CCNT1: variants seen among roughly 807,000 people sequenced by gnomAD.
The protein encoded by CCNT1 is cyclin T1, also known as cyclin-T1.
CCNT1 carries 18 observed loss-of-function variants against 67.3 expected under a neutral mutation model. That is an observed-to-expected ratio of 0.27 (90% CI 0.18 to 0.40). CCNT1 has a LOEUF of 0.40. CCNT1 is among the 10% of genes least tolerant of loss of function. The probability of loss-of-function intolerance (pLI) is 1.00; values close to 1 mark genes in which losing one functional copy is unlikely to be tolerated. For synonymous variants in CCNT1, 333 were observed against 310.3 expected (o/e 1.07, Z -0.77); for missense variants, 744 against 884.9 (o/e 0.84, Z 2.02).
intron 8 of CCNT1, 82 bp from the exon 9 acceptor site, chr12:48,694,518 G>GC (rs2137223669): frequency 1.5e-6 from 2 of 1,290,512 alleles, no homozygotes; most frequent in Admixed American, 4.1e-5. Context: ...TGTACTTGCA[G>GC]CAACACTGGA....
rs571449247 is a variant in CCNT1, at chr12:48,693,383, C to A, written c.1831G>T (p.Gly611Cys). 1 of 1,614,090 alleles carries A rather than the reference C, an allele frequency of 6.2e-7. No individual in the cohort carries two copies. The highest frequency in any genetic ancestry group is 1.3e-5 in the African/African-American group (1 of 75,000). ...NFSFPSLPTMGQMPGHSSDTS... is the reference protein window; with the variant it reads ...NFSFPSLPTMCQMPGHSSDTS... ...TCTGAGCTATGCCCAGGCATCTGAC[C>A]CATTGTAGGAAGTGAAGGGAAGGAG... The change falls in exon 9 of 9, where the codon GGT becomes TGT. Residue 611 changes from glycine to cysteine, a missense_variant. Gly to Cys is a radical substitution (Grantham distance 159). Around this residue, in one of 3 missense-constraint regions of CCNT1, gnomAD observed 564 missense variants for 574.2 expected, o/e 0.98. Transcript: ENST00000261900.
At chr12:48,702,589 C>A (rs1167914590) in intron 3 of CCNT1, among the ~76,000 whole-genome samples, 3 of 152,120 alleles carry the variant, frequency 2.0e-5, no homozygotes, top group Admixed American at 2.0e-4. Context: ...TCAAGATCAG[C>A]CTGGCCAATA....
Position 48,699,827 on chromosome 12 carries a change from T to G in CCNT1, c.447A>C (p.Thr149=), listed in dbSNP as rs145428497. ...CTACATGAGTATGTGGGTGATCAAT[T>G]GTTAGTTCAAAGCCTTAAAAGAAAA... The part of the protein sequence containing the change: ...IILQTLGFEL[T]IDHPHTHVVK... The change falls in exon 5 of 9, where the codon ACA becomes ACC. Residue 149 remains threonine, a synonymous_variant. Coordinates refer to ENST00000261900, the MANE Select transcript of CCNT1 (RefSeq NM_001240.4). 4 of 1,605,240 alleles carry G rather than the reference T, an allele frequency of 2.5e-6. No individual in the cohort carries two copies. The African/African-American group carries it at 4.0e-5, about 16-fold the overall frequency.
chr12:48,704,158 T>G (rs1940317448), intron 3 of CCNT1, among the ~76,000 whole-genome samples: 1 of 152,158 alleles, frequency 6.6e-6, no homozygotes, highest in East Asian at 1.9e-4. Context: ...CATAGCTATC[T>G]ATAGAAAAGA....
chr12:48,700,846 A>G (rs149496948), intron 4 of CCNT1, among the ~76,000 whole-genome samples, 167 bp downstream of exon 4: 168 of 152,338 alleles, frequency 1.1e-3, no homozygotes, highest in African/African-American at 3.7e-3. Flanking sequence ...CATTCACTCT[A>G]TGGAACAGGT....
intron 3 of CCNT1, among the ~76,000 whole-genome samples, chr12:48,704,325 T>C (rs2162317): frequency 0.29 from 44,605 of 152,130 alleles, 7,579 homozygotes; most frequent in East Asian, 0.76. Context: ...CTCCCCACCA[T>C]ACATATTGCC....
At position 48,694,008 on chromosome 12, in the gene CCNT1, G is replaced by A. The variant is rs137988772; in HGVS notation, c.1206C>T (p.Ala402=). 4.0e-5 allele frequency: 65 copies of A among 1,614,088 alleles called. No homozygotes were observed. In the African/African-American group the frequency reaches 6.9e-4, roughly 17 times the overall value. ...CCATGTTCTCCAGTTGCCTCTTCTG[G>A]GCAGCCAATTCTTCTGCATGCTTCG... ...YRAKHAEELA[A]QKRQLENMEA... The change falls in exon 9 of 9, where the codon GCC becomes GCT. Residue 402 remains alanine, a synonymous_variant. Transcript: ENST00000261900.
At chr12:48,706,472 A>G (rs917911837) in intron 2 of CCNT1, among the ~76,000 whole-genome samples, 1 of 152,236 alleles carries the variant, frequency 6.6e-6, no homozygotes, top group Non-Finnish European at 1.5e-5. Context: ...ACTTATACAT[A>G]TCGAACCTTT....
chr12:48,695,294 T>G (rs143958342), intron 8 of CCNT1, among the ~76,000 whole-genome samples: 1 of 152,370 alleles, frequency 6.6e-6, no homozygotes, highest in East Asian at 1.9e-4. Flanking sequence ...GATTCCATTA[T>G]TCCTGAATAA....
At chr12:48,695,865 A>G in intron 7 of CCNT1, 36 bp from the exon 8 acceptor site, 1 of 1,542,460 alleles carries the variant, frequency 6.5e-7, no homozygotes, top group Non-Finnish European at 9.0e-7. Context: ...AAAGACTGAG[A>G]GAAACAGAAG....
chr12:48,696,238 TTA>T (rs1491266642), intron 6 of CCNT1, 76 bp from the exon 7 acceptor site: 6 of 307,194 alleles, frequency 2.0e-5, no homozygotes, highest in East Asian at 7.6e-5. Context: ...TCTCCATTAT[TTA>T]AAAAAAAAAA....
Position 48,692,929 on chromosome 12 carries a change from C to T in CCNT1, c.*104G>A, listed in dbSNP as rs1445889993. The T allele has an allele frequency of 9.2e-6, 7 of 761,020 alleles. No individual in the cohort carries two copies. Among genetic ancestry groups the T allele is most frequent in the Non-Finnish European group, 1.5e-5 (7 of 480,832 alleles). 47.1% of individuals were successfully genotyped at this position (761,020 alleles called of 1,614,324 possible). A position where few individuals can be genotyped will look rare whatever the true frequency, so the allele number is the denominator to read the frequency against. The stretch of plus-strand genomic sequence containing the variant: ...TCTCAATATCAATTTATTCCCTAGT[C>T]CAAGGATGACATATTTCATAAGTAA... On this transcript the variant is annotated 3_prime_UTR_variant, in exon 9 of 9. Transcript: ENST00000261900.
At position 48,692,532 on chromosome 12, in the gene CCNT1, A is replaced by G. The variant is rs1185195093; in HGVS notation, c.*501T>C. 1 of 154,136 alleles carries G rather than the reference A, an allele frequency of 6.5e-6. No individual in the cohort carries two copies. The highest frequency in any genetic ancestry group is 1.4e-5 in the Non-Finnish European group (1 of 69,644). The allele number at this position is 154,136 out of a possible 1,614,324, so 9.5% of individuals were successfully genotyped here. ...GGAGTTACTGCTATGTATCATATAC[A>G]CACAGCAAAATCCCTATCCCCTTCC... On this transcript the variant is annotated 3_prime_UTR_variant, in exon 9 of 9. Transcript: ENST00000261900.
chr12:48,705,703 G>T, intron 3 of CCNT1, 65 bp downstream of exon 3: 2 of 1,308,280 alleles, frequency 1.5e-6, no homozygotes, highest in Non-Finnish European at 2.2e-6. Context: ...AGGCATGCTT[G>T]GGAGTAGGGA....
intron 2 of CCNT1, among the ~76,000 whole-genome samples, chr12:48,710,846 A>G (rs1371383029): frequency 6.6e-6 from 1 of 152,146 alleles, no homozygotes; most frequent in African/African-American, 2.4e-5. Flanking sequence ...GTGGATCGTG[A>G]GGTCAGGAAT....
intron 2 of CCNT1, among the ~76,000 whole-genome samples, chr12:48,707,432 G>A (rs1010149056): frequency 1.3e-5 from 2 of 151,484 alleles, no homozygotes; most frequent in African/African-American, 2.4e-5. Context: ...ACAGGCACAC[G>A]CCACCACACC....
Position 48,693,215 on chromosome 12 carries a change from G to A in CCNT1, c.1999C>T (p.Leu667=), listed in dbSNP as rs1940106411. The A allele has an allele frequency of 1.2e-6, 2 of 1,614,062 alleles. No individual in the cohort carries two copies. Among genetic ancestry groups the A allele is most frequent in the South Asian group, 2.2e-5 (2 of 91,084 alleles). ...YQDTVNMLHS[L]LSAQGVQPTQ... ...GGCTGAACACCCTGGGCACTGAGCAGGGAGTGAAGCATATTCACAGTGTCT... is the reference window on the plus strand; with the variant it reads ...GGCTGAACACCCTGGGCACTGAGCAAGGAGTGAAGCATATTCACAGTGTCT... The change falls in exon 9 of 9, where the codon CTG becomes TTG. Residue 667 remains leucine (L), a synonymous_variant. Transcript: ENST00000261900.
rs771519239 is a variant in CCNT1, at chr12:48,691,226, T to A, written c.*1807A>T. Reference sequence around the variant, plus strand: ...CGTTTACTCCTGCCTACAAATTCCTTTCTATATTAGGCCAGTACATCATCA... The same window carrying A: ...CGTTTACTCCTGCCTACAAATTCCTATCTATATTAGGCCAGTACATCATCA... On this transcript the variant is annotated 3_prime_UTR_variant, in exon 9 of 9. Transcript: ENST00000261900. 15 of 152,180 alleles carry A rather than the reference T, an allele frequency of 9.9e-5. No homozygotes were observed. The highest frequency in any genetic ancestry group is 1.9e-4 in the Non-Finnish European group (13 of 68,056). The allele number at this position is 152,180 out of a possible 1,614,324, so 9.4% of individuals were successfully genotyped here.
chr12:48,713,633 A>T (rs542439703), intron 2 of CCNT1, among the ~76,000 whole-genome samples: 6 of 152,262 alleles, frequency 3.9e-5, no homozygotes, highest in Non-Finnish European at 7.4e-5. Context: ...AAAAAATTTT[A>T]AAAATTACCA....
Sources: allele counts gnomAD v4.1 joint callset (sites outside exome capture counted in the v4.1 genomes callset), GRCh38; gene constraint gnomAD v4.1.1; regional missense constraint gnomAD v4.1.1; transcripts MANE v1.5; gene names NCBI Gene and HGNC (gene_info 2026-07-23, HGNC 2026-07-21).